The following BCKDHA variants were observed in gnomAD, a reference collection of about 807,000 sequenced individuals.
BCKDHA encodes 2-oxoisovalerate dehydrogenase subunit alpha, mitochondrial.
Under a neutral mutation model 52.2 loss-of-function variants are expected in BCKDHA, and 43 were observed. That is an observed-to-expected ratio of 0.82 (90% CI 0.64 to 1.06). BCKDHA has a LOEUF of 1.06. Among genes scored for constraint, BCKDHA ranks in the 50% least tolerant of loss-of-function variants. The probability of loss-of-function intolerance (pLI) is 0.00; values close to 1 mark genes in which losing one functional copy is unlikely to be tolerated. For synonymous variants in BCKDHA, 234 were observed against 247.9 expected, an observed-to-expected ratio of 0.94 and a Z score of 0.53; for missense variants, 527 against 621.3, an observed-to-expected ratio of 0.85 and a Z score of 1.61.
chr19:41,419,746 CTTTTTTTTTTTTTT>C (rs201343587), intron 5 of BCKDHA, among the ~76,000 whole-genome samples: 18 of 127,950 alleles, frequency 1.4e-4, no homozygotes, highest in African/African-American at 3.4e-4. Context: ...GCCCAGCCCA[CTTTTTTTTTTTTTT>C]TTTTTTTTTT....
intron 1 of BCKDHA, chr19:41,399,987 T>G (rs1442650071): frequency 6.6e-6 from 1 of 152,010 alleles, no homozygotes; most frequent in Admixed American, 6.6e-5. Context: ...GGTTTCACCA[T>G]GTTGTCCAGG....
chr19:41,408,964 T>TTG (rs2039223051), intron 1 of BCKDHA, among the ~76,000 whole-genome samples: 1 of 150,584 alleles, frequency 6.6e-6, no homozygotes, highest in African/African-American at 2.5e-5. Context: ...TTGTCTTTTT[T>TTG]TGTGTGTGTG....
rs753975992 is a variant in BCKDHA at position 41,423,062 on chromosome 19, T to C, written c.1060T>C (p.Trp354Arg). The stretch of plus-strand genomic sequence containing the variant: ...CCGCTCGGTGGATGAGGTCAATTAC[T>C]GGGATAAACAGGACCACCCCATCTC... ...AYRSVDEVNY[W>R]DKQDHPISRL... The change falls in exon 8 of 9, where the codon TGG (tryptophan) becomes CGG (arginine). Residue 354 changes from tryptophan (W) to arginine (R), a missense_variant. By Grantham distance (101) the Trp-to-Arg change is moderately radical (BLOSUM62 -3). Transcript: ENST00000269980. 3.1e-6 allele frequency: 5 copies of C among 1,597,482 alleles called. No individual in the cohort carries two copies. The highest frequency in any genetic ancestry group is 1.1e-5 in the South Asian group (1 of 88,418).
chr19:41,412,403 T>TTTTTTTTTTTTTTTTTTTTTTTA (rs1241708437), intron 3 of BCKDHA, among the ~76,000 whole-genome samples: 1 of 146,668 alleles, frequency 6.8e-6, no homozygotes, highest in African/African-American at 2.5e-5. Context: ...TTTTTTACTT[T>TTTTTTTTTTTTTTTTTTTTTTTA]TGAGATGGAG....
At position 41,424,034 on chromosome 19, in the gene BCKDHA, G is replaced by A. The variant is rs10415116; in HGVS notation, c.1168-404G>A. Among the ~76,000 whole-genome samples, 1,048 of 151,638 alleles carry A rather than the reference G, an allele frequency of 6.9e-3. 17 individuals are homozygous for A. The highest frequency in any genetic ancestry group is 0.024 in the African/African-American group (999 of 41,370). On this transcript the variant is annotated intron_variant, in intron 8 of 8. Coordinates refer to ENST00000269980, the MANE Select transcript of BCKDHA (RefSeq NM_000709.4). ...TGGTTTGAGGATTAGGTGGCAAACCGTGGTGGAGTGTACATGCCCTGCCCA... is the reference window on the plus strand; with the variant it reads ...TGGTTTGAGGATTAGGTGGCAAACCATGGTGGAGTGTACATGCCCTGCCCA...
At chr19:41,420,341 G>A (rs1330120933) in intron 5 of BCKDHA, among the ~76,000 whole-genome samples, 1 of 152,174 alleles carries the variant, frequency 6.6e-6, no homozygotes, top group African/African-American at 2.4e-5. Context: ...TCAAGAGCAG[G>A]ATGCCCGTGT....
chr19:41,421,068 C>T (rs1299180460), intron 5 of BCKDHA, among the ~76,000 whole-genome samples: 4 of 152,112 alleles, frequency 2.6e-5, no homozygotes, highest in Admixed American at 2.6e-4. Flanking sequence ...GTTTGAGCCT[C>T]TTAGGTGGGA....
intron 6 of BCKDHA, 98 bp downstream of exon 6, chr19:41,422,468 C>T: frequency 6.3e-7 from 1 of 1,578,014 alleles, no homozygotes; most frequent in Non-Finnish European, 8.7e-7. Flanking sequence ...CTTCCTGGTT[C>T]TCGTCCTGTG....
intron 1 of BCKDHA, chr19:41,399,648 C>G (rs1050429300): frequency 6.6e-6 from 1 of 150,964 alleles, no homozygotes; most frequent in African/African-American, 2.4e-5. Context: ...TTCTTTCTCT[C>G]TTCTTCTTTC....
intron 5 of BCKDHA, 102 bp from the exon 6 acceptor site, chr19:41,422,062 T>C: frequency 8.5e-7 from 1 of 1,179,194 alleles, no homozygotes; most frequent in Non-Finnish European, 1.2e-6. Flanking sequence ...GCCTGGTGAC[T>C]GCTGGCCTGA....
At chr19:41,408,463 G>C (rs2039217152) in intron 1 of BCKDHA, among the ~76,000 whole-genome samples, 1 of 152,122 alleles carries the variant, frequency 6.6e-6, no homozygotes, top group Non-Finnish European at 1.5e-5. Context: ...GCCTCGGCTG[G>C]TTCTAGGCTG....
chr19:41,419,216 G>A lies in BCKDHA; in HGVS notation c.566G>A (p.Arg189His), dbSNP rs1200370519. Residue 189 changes from arginine (R) to histidine (H), a missense_variant, in exon 5 of 9, where the codon CGC becomes CAC. Physicochemically the swap from Arg to His is conservative, Grantham distance 29. Coordinates refer to ENST00000269980, the MANE Select transcript of BCKDHA (RefSeq NM_000709.4). The stretch of plus-strand genomic sequence containing the variant: ...AACATCAGTGACTTGGGCAAGGGGC[G>A]CCAGATGCCTGTCCACTACGGCTGC... The part of the protein sequence containing the change: ...YGNISDLGKG[R>H]QMPVHYGCKE... 6.2e-6 allele frequency: 10 copies of A among 1,614,106 alleles called. No individual in the cohort carries two copies. The highest frequency in any genetic ancestry group is 7.6e-6 in the Non-Finnish European group (9 of 1,180,050).
At chr19:41,422,100 G>A (rs1599960305) in intron 5 of BCKDHA, 64 bp from the exon 6 acceptor site, 2 of 1,495,424 alleles carry the variant, frequency 1.3e-6, no homozygotes, top group South Asian at 2.3e-5. Flanking sequence ...GGTCATGTGA[G>A]TGTGAATGAG....
chr19:41,409,798 A>AT (rs10565264), intron 1 of BCKDHA, among the ~76,000 whole-genome samples: 4,543 of 109,112 alleles, frequency 0.042, 193 homozygotes, highest in Non-Finnish European at 0.06. Context: ...CCTCTAAGGG[A>AT]TTTTTTTTTT....
intron 8 of BCKDHA, among the ~76,000 whole-genome samples, chr19:41,424,170 C>T (rs2039402243): frequency 6.6e-6 from 1 of 152,136 alleles, no homozygotes; most frequent in South Asian, 2.1e-4. Flanking sequence ...TGTCCCTGCC[C>T]TTCTCTGTGC....
At chr19:41,419,109 C>A in intron 4 of BCKDHA, 26 bp from the exon 5 acceptor site, 1 of 1,613,974 alleles carries the variant, frequency 6.2e-7, no homozygotes, top group African/African-American at 1.3e-5. Context: ...GCCCACTCGG[C>A]TAACCATTGC....
At chr19:41,399,102 G>A (rs2039108713) in intron 1 of BCKDHA, among the ~76,000 whole-genome samples, 1 of 152,086 alleles carries the variant, frequency 6.6e-6, no homozygotes, top group African/African-American at 2.4e-5. Context: ...GATATTGTGA[G>A]GTTGAGTCTG....
intron 7 of BCKDHA, 113 bp from the exon 8 acceptor site, chr19:41,422,885 C>A: frequency 6.3e-7 from 1 of 1,582,934 alleles, no homozygotes. Context: ...TTGCATCTCC[C>A]CCTTGCCTTT....
intron 5 of BCKDHA, among the ~76,000 whole-genome samples, chr19:41,419,673 C>T (rs2039343469): frequency 1.3e-5 from 2 of 151,826 alleles, no homozygotes; most frequent in Admixed American, 1.3e-4. Flanking sequence ...AACTCCCGGC[C>T]TCAGGTGATC....
Sources: allele counts gnomAD v4.1 joint callset (sites outside exome capture counted in the v4.1 genomes callset), GRCh38; gene constraint gnomAD v4.1.1; transcripts MANE v1.5; gene names NCBI Gene and HGNC (gene_info 2026-07-23, HGNC 2026-07-21).